Variants in ZNF562 observed in about 807,000 individuals in gnomAD.
The protein encoded by ZNF562 is zinc finger protein 562.
In ZNF562, 13 loss-of-function variants were observed where a neutral mutation model predicts 17.5. The observed-to-expected ratio is 0.74, with a 90% CI of 0.48 to 1.18. The LOEUF (loss-of-function observed/expected upper bound fraction) is 1.18. Among genes scored for constraint, ZNF562 ranks in the 50% most tolerant of loss-of-function variants. The pLI, the probability that ZNF562 is intolerant of heterozygous loss-of-function variation, is 0.00. For synonymous variants in ZNF562, 163 were observed against 165.4 expected (o/e 0.99, Z 0.11); for missense variants, 481 against 498.5 (o/e 0.96, Z 0.33).
chr19:9,670,540 A>G (rs1222311646), intron 1 of ZNF562, among the ~76,000 whole-genome samples: 1 of 152,190 alleles, frequency 6.6e-6, no homozygotes, highest in Admixed American at 6.5e-5. Flanking sequence ...AACTGGATAG[A>G]ACTGGAGGTC....
rs183282106 is a variant in ZNF562, at chr19:9,649,115, T to A, written c.*3834A>T. 5.3e-4 allele frequency: 80 copies of A among 152,334 alleles called. No individual in the cohort carries two copies. Among genetic ancestry groups the A allele is most frequent in the African/African-American group, 1.9e-3 (78 of 41,582 alleles). 9.4% of individuals were successfully genotyped at this position (152,334 alleles called of 1,614,324 possible). On this transcript the variant is annotated 3_prime_UTR_variant, in exon 6 of 6. Coordinates refer to ENST00000453372, the MANE Select transcript of ZNF562 (RefSeq NM_001130031.2). Reference sequence around the variant, plus strand: ...TCCCCAAATTAATACTTTTATAATTTCTTATGCCTGTCTTTACTGCAATCT... The same window carrying A: ...TCCCCAAATTAATACTTTTATAATTACTTATGCCTGTCTTTACTGCAATCT...
chr19:9,651,585 C>G lies in ZNF562; in HGVS notation c.*1364G>C, dbSNP rs1291809941. On this transcript the variant is annotated 3_prime_UTR_variant, in exon 6 of 6. Coordinates refer to ENST00000453372, the MANE Select transcript of ZNF562 (RefSeq NM_001130031.2). ...GCTGGTTTACCAGAATGAGGGCAAG[C>G]AACACCTGGCCCACCCAGGGCAGAA... 4 of 152,236 alleles carry G rather than the reference C, an allele frequency of 2.6e-5. No homozygotes were observed. The highest frequency in any genetic ancestry group is 5.9e-5 in the Non-Finnish European group (4 of 68,062). The allele number at this position is 152,236 out of a possible 1,614,324, so 9.4% of individuals were successfully genotyped here. A position where few individuals can be genotyped will look rare whatever the true frequency, so the allele number is the denominator to read the frequency against.
intron 5 of ZNF562, 49 bp downstream of exon 5, chr19:9,656,498 C>G (rs1428330007): frequency 1.3e-6 from 2 of 1,597,140 alleles, no homozygotes; most frequent in South Asian, 2.2e-5. Flanking sequence ...GAGCAAGACT[C>G]CGTCTCAAAA....
intron 1 of ZNF562, among the ~76,000 whole-genome samples, chr19:9,662,051 C>A (rs902834581): frequency 6.6e-6 from 1 of 152,094 alleles, no homozygotes; most frequent in Non-Finnish European, 1.5e-5. Context: ...CATGAGCCAC[C>A]ATGCCTGGCC....
Position 9,647,557 on chromosome 19 carries a change from T to C in ZNF562, c.*5392A>G, listed in dbSNP as rs949862215. On this transcript the variant is annotated 3_prime_UTR_variant, in exon 6 of 6. Coordinates refer to ENST00000453372, the MANE Select transcript of ZNF562 (RefSeq NM_001130031.2). ...AAGAGATAATTTTAACTTTTTAAAA[T>C]ATTTTGCAGTATTGGCCGGGCACAG... The C allele has an allele frequency of 5.9e-5, 9 of 152,188 alleles. No individual in the cohort carries two copies. The highest frequency in any genetic ancestry group is 2.2e-4 in the African/African-American group (9 of 41,526). The allele number at this position is 152,188 out of a possible 1,614,324, so 9.4% of individuals were successfully genotyped here. A position where few individuals can be genotyped will look rare whatever the true frequency, so the allele number is the denominator to read the frequency against.
rs920861121 is a variant in ZNF562, at chr19:9,644,768, A to C, written c.*8181T>G. ...AGAATTACTTGAACAGCATGGGGAA[A>C]CCCCCCCCCATGATTCTATTACCTC... On this transcript the variant is annotated 3_prime_UTR_variant, in exon 6 of 6. Coordinates refer to ENST00000453372, the MANE Select transcript of ZNF562 (RefSeq NM_001130031.2). 5 of 150,106 alleles carry C rather than the reference A, an allele frequency of 3.3e-5. No homozygotes were observed. Among genetic ancestry groups the C allele is most frequent in the Non-Finnish European group, 5.9e-5 (4 of 67,252 alleles). The allele number at this position is 150,106 out of a possible 1,614,324, so 9.3% of individuals were successfully genotyped here.
intron 1 of ZNF562, among the ~76,000 whole-genome samples, chr19:9,671,323 A>G (rs1461017291): frequency 3.3e-5 from 5 of 152,150 alleles, no homozygotes; most frequent in Non-Finnish European, 7.3e-5. Context: ...GTCTGTGGGT[A>G]AAGATATTCC....
chr19:9,670,941 A>G (rs201190117), intron 1 of ZNF562, among the ~76,000 whole-genome samples: 2 of 151,536 alleles, frequency 1.3e-5, no homozygotes, highest in East Asian at 3.9e-4. Flanking sequence ...CAGAGGTTGC[A>G]GTGAGCCAAG....
intron 1 of ZNF562, among the ~76,000 whole-genome samples, chr19:9,665,694 A>C (rs2043931570): frequency 6.6e-6 from 1 of 152,210 alleles, no homozygotes; most frequent in Non-Finnish European, 1.5e-5. Context: ...GAGCAGAGGC[A>C]AACATGGGTT....
At chr19:9,673,264 A>T (rs1568286240) in intron 1 of ZNF562, among the ~76,000 whole-genome samples, 1 of 152,182 alleles carries the variant, frequency 6.6e-6, no homozygotes, top group Non-Finnish European at 1.5e-5. Flanking sequence ...ACCCAGCGTT[A>T]GAAATAAAAA....
intron 4 of ZNF562, among the ~76,000 whole-genome samples, chr19:9,657,391 C>CAAA (rs540611946): frequency 1.1e-4 from 10 of 88,160 alleles, no homozygotes; most frequent in African/African-American, 2.4e-4. Flanking sequence ...GAGACTCCCT[C>CAAA]AAAAAAAAAA....
In ZNF562 at chr19:9,649,125, G is replaced by A. The variant is rs1349979268; in HGVS notation, c.*3824C>T. 1 of 152,132 alleles carries A rather than the reference G, an allele frequency of 6.6e-6. No individual in the cohort carries two copies. The highest frequency in any genetic ancestry group is 1.9e-4 in the East Asian group (1 of 5,196). The allele number at this position is 152,132 out of a possible 1,614,324, so 9.4% of individuals were successfully genotyped here. On this transcript the variant is annotated 3_prime_UTR_variant, in exon 6 of 6. Coordinates refer to ENST00000453372, the MANE Select transcript of ZNF562 (RefSeq NM_001130031.2). ...AATACTTTTATAATTTCTTATGCCTGTCTTTACTGCAATCTCTAAACATAA... is the reference window on the plus strand; with the variant it reads ...AATACTTTTATAATTTCTTATGCCTATCTTTACTGCAATCTCTAAACATAA...
rs759817417 is a variant in ZNF562, at chr19:9,660,721, A to C, written c.24T>G (p.His8Gln). ...AAAAGAGCATCAACAAGGACTTACC[A>C]TGGGACATATCAAAGGCTGACATCC... MSAFDMS[H>Q]GFFPREPICP... Residue 8 changes from histidine (H) to glutamine (Q), a missense_variant and splice_region_variant, in exon 2 of 6, where the codon CAT becomes CAG. Transcript: ENST00000453372. 3.7e-6 allele frequency: 6 copies of C among 1,613,574 alleles called. No individual in the cohort carries two copies. In the East Asian group the frequency reaches 1.3e-4, roughly 36 times the overall value.
At chr19:9,659,929 TAAAAAAAAAAAAAAAAAAAAAAA>T (rs763657709) in intron 2 of ZNF562, among the ~76,000 whole-genome samples, 23 of 37,368 alleles carry the variant, frequency 6.2e-4, no homozygotes, top group South Asian at 2.4e-3. Context: ...CCGTCTCTAC[TAAAAAAAAAAAAAAAAAAAAAAA>T]AAAAAAAAAA....
chr19:9,653,747 G>T lies in ZNF562; in HGVS notation c.483C>A (p.Asp161Glu). The T allele has an allele frequency of 6.2e-7, 1 of 1,614,058 alleles. No individual in the cohort carries two copies. Among genetic ancestry groups the T allele is most frequent in the Non-Finnish European group, 8.5e-7 (1 of 1,179,968 alleles). ...AGGCTTCCTTGTGCACACTGATGCTGTCTTTTCCATAACAATTACCCTCAA... is the reference window on the plus strand; with the variant it reads ...AGGCTTCCTTGTGCACACTGATGCTTTCTTTTCCATAACAATTACCCTCAA... The part of the protein sequence containing the change: ...NTFEGNCYGK[D>E]SISVHKEASI... Residue 161 changes from aspartate (D) to glutamate (E), a missense_variant, in exon 6 of 6, where the codon GAC (aspartate) becomes GAA (glutamate). Around this residue, in one of 2 missense-constraint regions of ZNF562, gnomAD observed 403 missense variants for 386.4 expected, o/e 1.04. Coordinates refer to ENST00000453372, the MANE Select transcript of ZNF562 (RefSeq NM_001130031.2).
At position 9,650,941 on chromosome 19, in the gene ZNF562, C is replaced by A. The variant is rs1264792162; in HGVS notation, c.*2008G>T. The A allele has an allele frequency of 3.5e-5, 2 of 56,658 alleles. No homozygotes were observed. Among genetic ancestry groups the A allele is most frequent in the African/African-American group, 6.7e-5 (1 of 14,888 alleles). The allele number at this position is 56,658 out of a possible 1,614,324, so 3.5% of individuals were successfully genotyped here. A position where few individuals can be genotyped will look rare whatever the true frequency, so the allele number is the denominator to read the frequency against. On this transcript the variant is annotated 3_prime_UTR_variant, in exon 6 of 6. Coordinates refer to ENST00000453372, the MANE Select transcript of ZNF562 (RefSeq NM_001130031.2). ...TGCACTCCAGCCTGGGCAACAAGAGCAAAACTCCATCTCAAAAAAAAAAAA... is the reference window on the plus strand; with the variant it reads ...TGCACTCCAGCCTGGGCAACAAGAGAAAAACTCCATCTCAAAAAAAAAAAA...
Position 9,652,544 on chromosome 19 carries a change from G to A in ZNF562, c.*405C>T, listed in dbSNP as rs2074884362. 6.4e-6 allele frequency: 1 copy of A among 157,128 alleles called. No individual in the cohort carries two copies. The highest frequency in any genetic ancestry group is 1.4e-5 in the Non-Finnish European group (1 of 71,622). 9.7% of individuals were successfully genotyped at this position (157,128 alleles called of 1,614,324 possible). A position where few individuals can be genotyped will look rare whatever the true frequency, so the allele number is the denominator to read the frequency against. ...TTAGGAATCTAATCACCAAGGTGAGGCAGCCTGCAGTACTGACCTCACCAT... is the reference window on the plus strand; with the variant it reads ...TTAGGAATCTAATCACCAAGGTGAGACAGCCTGCAGTACTGACCTCACCAT... On this transcript the variant is annotated 3_prime_UTR_variant, in exon 6 of 6. Transcript: ENST00000453372.
chr19:9,660,674 C>T lies in ZNF562; in HGVS notation c.25+46G>A, dbSNP rs771632930. 6.0e-5 allele frequency: 96 copies of T among 1,601,086 alleles called. 1 individual carries two copies. The highest frequency in any genetic ancestry group is 5.7e-4 in the South Asian group (51 of 89,918). The stretch of plus-strand genomic sequence containing the variant: ...CACTGGACTCTTATGTTGTGGAGGG[C>T]GACCTAAAGCAGAATCTCTGAAAAA... On this transcript the variant is annotated intron_variant, in intron 2 of 5. Transcript: ENST00000453372.
chr19:9,667,502 A>G (rs1172883461), intron 1 of ZNF562, among the ~76,000 whole-genome samples: 2 of 152,190 alleles, frequency 1.3e-5, no homozygotes, highest in African/African-American at 4.8e-5. Context: ...ACATAATACT[A>G]TAAGTTCTGG....
Sources: allele counts gnomAD v4.1 joint callset (sites outside exome capture counted in the v4.1 genomes callset), GRCh38; gene constraint gnomAD v4.1.1; regional missense constraint gnomAD v4.1.1; transcripts MANE v1.5; gene names NCBI Gene and HGNC (gene_info 2026-07-23, HGNC 2026-07-21).